The following KCNQ3 variants were observed in gnomAD, a reference collection of about 807,000 sequenced individuals.
KCNQ3 encodes potassium voltage-gated channel subfamily Q member 3.
A neutral mutation model predicts 92.5 loss-of-function variants in KCNQ3; 30 were observed. That is an observed-to-expected ratio of 0.32 (90% confidence interval 0.24 to 0.44). The LOEUF (loss-of-function observed/expected upper bound fraction) is 0.44. Ranked by LOEUF, KCNQ3 falls within the 20% of genes least tolerant of loss-of-function variation. The pLI, the probability that KCNQ3 is intolerant of heterozygous loss-of-function variation, is 1.00. For synonymous variants in KCNQ3, 450 were observed against 468.8 expected, an observed-to-expected ratio of 0.96 and a Z score of 0.52; for missense variants, 913 against 1,140.3, an observed-to-expected ratio of 0.80 and a Z score of 2.87.
In KCNQ3 at chr8:132,480,822, GGCGCGGAGGCGCTAGGGC is replaced by G. The variant is rs1240410908; in HGVS notation, c.-308_-291del. 6.2e-6 allele frequency: 1 copy of G among 160,988 alleles called. No homozygotes were observed. The allele number at this position is 160,988 out of a possible 1,614,324, so 10.0% of individuals were successfully genotyped here. On this transcript the variant is annotated 5_prime_UTR_variant, in exon 1 of 15. The change abolishes the stop of an existing upstream ORF in the 5' untranslated region. Transcript: ENST00000388996. ...AGAAGCTGGGAGGGCGCGCGAGGCT[GGCGCGGAGGCGCTAGGGC>G]GCGCGGCGGCGGGAGCCTGGAACCG...
intron 1 of KCNQ3, among the ~76,000 whole-genome samples, chr8:132,299,625 G>T (rs926944732): frequency 6.6e-5 from 10 of 152,114 alleles, no homozygotes; most frequent in African/African-American, 2.4e-4. Flanking sequence ...TGCAAAAGGG[G>T]GAAGGAAGGA....
At chr8:132,373,356 A>T (rs1819525960) in intron 1 of KCNQ3, among the ~76,000 whole-genome samples, 1 of 152,212 alleles carries the variant, frequency 6.6e-6, no homozygotes, top group South Asian at 2.1e-4. Flanking sequence ...TGTGAAAATT[A>T]CATGAGGAGA....
At chr8:132,442,706 A>G (rs1821569991) in intron 1 of KCNQ3, among the ~76,000 whole-genome samples, 1 of 152,170 alleles carries the variant, frequency 6.6e-6, no homozygotes, top group African/African-American at 2.4e-5. Context: ...CTATGAGGTC[A>G]AGGCATTCTC....
chr8:132,315,241 G>A (rs1034936942), intron 1 of KCNQ3, among the ~76,000 whole-genome samples: 8 of 152,212 alleles, frequency 5.3e-5, no homozygotes, highest in East Asian at 1.9e-4. Flanking sequence ...GAATGGAGTC[G>A]AGAGCTGCTT....
chr8:132,206,775 CT>C (rs1364743250), intron 1 of KCNQ3, among the ~76,000 whole-genome samples: 1 of 151,974 alleles, frequency 6.6e-6, no homozygotes, highest in Non-Finnish European at 1.5e-5. Flanking sequence ...TTTTGTTTAA[CT>C]TTTCAAAAAA....
chr8:132,184,693 C>A (rs557604744), intron 2 of KCNQ3, among the ~76,000 whole-genome samples: 10 of 152,230 alleles, frequency 6.6e-5, no homozygotes, highest in Admixed American at 1.3e-4. Flanking sequence ...GAATGAAAAG[C>A]CCCCAAGAAG....
intron 8 of KCNQ3, among the ~76,000 whole-genome samples, chr8:132,168,361 G>A (rs1332768114): frequency 6.6e-6 from 1 of 152,144 alleles, no homozygotes; most frequent in Non-Finnish European, 1.5e-5. Flanking sequence ...ATTGCCTTCA[G>A]GATCAAAGTT....
intron 7 of KCNQ3, 144 bp downstream of exon 7, chr8:132,172,454 G>A (rs1329192996): frequency 2.7e-6 from 2 of 730,778 alleles, no homozygotes; most frequent in Non-Finnish European, 4.9e-6. Flanking sequence ...AAGACACACA[G>A]ACACACATGG....
At chr8:132,418,615 G>A (rs1349610367) in intron 1 of KCNQ3, among the ~76,000 whole-genome samples, 4 of 152,036 alleles carry the variant, frequency 2.6e-5, no homozygotes, top group Admixed American at 6.6e-5. Flanking sequence ...ATGAAACATC[G>A]TCTCTACTAA....
intron 1 of KCNQ3, among the ~76,000 whole-genome samples, chr8:132,250,198 G>A (rs771169894): frequency 1.4e-4 from 21 of 152,316 alleles, no homozygotes; most frequent in South Asian, 2.1e-4. Context: ...TCACCAGCAC[G>A]TTGTCACCTC....
At chr8:132,474,416 G>C (rs72723121) in intron 1 of KCNQ3, among the ~76,000 whole-genome samples, 10,760 of 152,062 alleles carry the variant, frequency 0.071, 395 homozygotes, top group Middle Eastern at 0.092. Context: ...CATAAAATCA[G>C]AATCTCTTTC....
chr8:132,303,578 ATGG>A (rs1817296761), intron 1 of KCNQ3, among the ~76,000 whole-genome samples: 5 of 38,718 alleles, frequency 1.3e-4, no homozygotes, highest in African/African-American at 3.9e-4. Context: ...ATATATATAT[ATGG>A]TGTGTGTGTA....
chr8:132,252,766 A>G (rs974752945), intron 1 of KCNQ3, among the ~76,000 whole-genome samples: 2 of 152,052 alleles, frequency 1.3e-5, no homozygotes, highest in African/African-American at 2.4e-5. Context: ...AACTAGACAC[A>G]GAGCGCTGAT....
chr8:132,295,337 C>G (rs1364441517), intron 1 of KCNQ3, among the ~76,000 whole-genome samples: 1 of 152,192 alleles, frequency 6.6e-6, no homozygotes, highest in Admixed American at 6.5e-5. Context: ...AATGAGATAA[C>G]ATATCACACC....
chr8:132,319,956 G>C (rs1383221004), intron 1 of KCNQ3, among the ~76,000 whole-genome samples: 14 of 152,188 alleles, frequency 9.2e-5, no homozygotes, highest in Admixed American at 9.2e-4. Flanking sequence ...ACCTATGGTG[G>C]CTAGCCTTGG....
chr8:132,417,863 G>A (rs1213484990), intron 1 of KCNQ3, among the ~76,000 whole-genome samples: 5 of 152,194 alleles, frequency 3.3e-5, no homozygotes, highest in South Asian at 2.1e-4. Flanking sequence ...GGAAAAAAAC[G>A]TTCTCTTTCT....
intron 1 of KCNQ3, among the ~76,000 whole-genome samples, chr8:132,409,459 G>GT (rs2130795178): frequency 6.8e-6 from 1 of 147,454 alleles, no homozygotes; most frequent in Non-Finnish European, 1.5e-5. Context: ...TAGATCTCCT[G>GT]TAAAAAAAAA....
chr8:132,478,526 T>A (rs1822465152), intron 1 of KCNQ3, among the ~76,000 whole-genome samples: 1 of 152,200 alleles, frequency 6.6e-6, no homozygotes, highest in Admixed American at 6.5e-5. Flanking sequence ...GAGAGAGGAA[T>A]GTATTTTAAT....
In KCNQ3 at chr8:132,129,350, G is replaced by C. The variant is rs1344076719; in HGVS notation, c.2531C>G (p.Pro844Arg). ...AGGCATGGAGCCGCTGGGCGTGAAGGGGTCCGTGTCTGTGTCCGTCTCACC... is the reference window on the plus strand; with the variant it reads ...AGGCATGGAGCCGCTGGGCGTGAAGCGGTCCGTGTCTGTGTCCGTCTCACC... ...AEGETDTDTDPFTPSGSMPLS... is the reference protein window; with the variant it reads ...AEGETDTDTDRFTPSGSMPLS... The change falls in exon 15 of 15, where the codon CCC becomes CGC. Residue 844 changes from proline (P) to arginine (R), a missense_variant. Transcript: ENST00000388996. This position sits in a 1 kb window ranked among gnomAD's most constrained non-coding sequence, Gnocchi z 5.9. 6.2e-7 allele frequency: 1 copy of C among 1,614,224 alleles called. No homozygotes were observed. The highest frequency in any genetic ancestry group is 8.5e-7 in the Non-Finnish European group (1 of 1,180,040).
Sources: gnomAD v4.1 joint callset for allele counts (sites outside exome capture counted in the v4.1 genomes callset) on GRCh38, gnomAD v4.1.1 for gene constraint, Gnocchi (gnomAD v3.1) non-coding constraint, MANE v1.5 for transcripts, NCBI Gene and HGNC (gene_info 2026-07-23, HGNC 2026-07-21) for gene names.